Variants in MIDEAS observed in about 807,000 individuals in gnomAD.
The protein encoded by MIDEAS is mitotic deacetylase-associated SANT domain protein.
In MIDEAS, 26 loss-of-function variants were observed where a neutral mutation model predicts 102.7. The ratio of observed to expected loss-of-function variants is 0.25; its 90% CI spans 0.19 to 0.35. MIDEAS has a LOEUF of 0.35. Among genes scored for constraint, MIDEAS ranks in the 10% least tolerant of loss-of-function variants. The pLI, the probability that MIDEAS is intolerant of heterozygous loss-of-function variation, is 1.00. For synonymous variants in MIDEAS, 585 were observed against 591.0 expected (o/e 0.99, Z 0.15); for missense variants, 1,231 against 1,435.6 (o/e 0.86, Z 2.30).
rs1002784380 is a variant in MIDEAS, at chr14:73,725,263, C to A, written c.2574+9G>T. The A allele has an allele frequency of 3.1e-6, 5 of 1,612,976 alleles. No individual in the cohort carries two copies. The highest frequency in any genetic ancestry group is 3.4e-6 in the Non-Finnish European group (4 of 1,179,100). ...GCCCTCATTTGCCCTGAAACAGAGC[C>A]CAGCTCACCAGCTTCTGCACCAGGA... On this transcript the variant is annotated intron_variant, in intron 9 of 12. Transcript: ENST00000423556. This position sits in a 1 kb window ranked among gnomAD's most constrained non-coding sequence, Gnocchi z 4.1.
chr14:73,725,316 CT>C lies in MIDEAS; in HGVS notation c.2529del (p.Gly844AlafsTer15), dbSNP rs2053045856. On this transcript the variant is annotated frameshift_variant, in exon 9 of 13. Transcript: ENST00000423556. LOFTEE classifies it high-confidence loss of function. The surrounding 1 kb of genome is among the most constrained non-coding windows in gnomAD (Gnocchi z 4.1). The stretch of plus-strand genomic sequence containing the variant: ...AAATCCTTCTTGTAGATGGCAATGC[CT>C]TTGTTGAACAGCTTCCTCTCGGCCA... ...WKMAERKLFN[K>X]GIAIYKKDFF... 6.2e-7 allele frequency: 1 copy of C among 1,613,980 alleles called. No homozygotes were observed.
rs374578248 is a variant in MIDEAS, at chr14:73,768,228, A to C, written c.-248+18874T>G. ...GATATGAGCCTACTGAGTCCACCCC[A>C]GCACCCTTGAAGGAAGCCATTTTTC... is the stretch of plus-strand genomic sequence containing the variant. On this transcript the variant is annotated intron_variant, in intron 1 of 11. Coordinates refer to the MIDEAS transcript ENST00000394071. Among the ~76,000 whole-genome samples the C allele has an allele frequency of 2.6e-5, 4 of 152,146 alleles. No individual in the cohort carries two copies. In the East Asian group the frequency reaches 7.7e-4, roughly 29 times the overall value.
chr14:73,754,929 T>C (rs2053462008), intron 1 of MIDEAS: 1 of 152,152 alleles, frequency 6.6e-6, no homozygotes, highest in African/African-American at 2.4e-5. Context: ...TGGATTCCAA[T>C]TCCCCAGAGA....
chr14:73,734,160 T>C (rs1332166430), intron 3 of MIDEAS, among the ~76,000 whole-genome samples: 4 of 151,922 alleles, frequency 2.6e-5, no homozygotes, highest in African/African-American at 9.7e-5. Context: ...AATTTTTATA[T>C]TTTTAGTAGA....
At chr14:73,777,996 A>C (rs993899697) in intron 1 of MIDEAS, among the ~76,000 whole-genome samples, 1 of 151,962 alleles carries the variant, frequency 6.6e-6, no homozygotes, top group Non-Finnish European at 1.5e-5. Flanking sequence ...CCAAGTACAC[A>C]GTAAGGGCTC....
At chr14:73,772,626 A>T (rs1413976980) in intron 1 of MIDEAS, among the ~76,000 whole-genome samples, 1 of 152,092 alleles carries the variant, frequency 6.6e-6, no homozygotes, top group Non-Finnish European at 1.5e-5. Context: ...GTTGCTATAA[A>T]TATCTTTGGT....
At chr14:73,780,248 A>AT (rs2053742673) in intron 1 of MIDEAS, among the ~76,000 whole-genome samples, 1 of 152,064 alleles carries the variant, frequency 6.6e-6, no homozygotes, top group Admixed American at 6.6e-5. Context: ...CCATCAAATT[A>AT]TACTCTCCCA....
intron 11 of MIDEAS, 122 bp downstream of exon 11, chr14:73,721,175 A>T (rs946604146): frequency 2.2e-6 from 2 of 921,498 alleles, no homozygotes; most frequent in African/African-American, 3.2e-5. Context: ...AAAGTACTTC[A>T]CACATTTCCT....
At chr14:73,782,041 A>G (rs1053001394) in intron 1 of MIDEAS, among the ~76,000 whole-genome samples, 3 of 152,344 alleles carry the variant, frequency 2.0e-5, no homozygotes, top group Non-Finnish European at 2.9e-5. Context: ...TGGGTAGAGT[A>G]AAAAACAGGA....
At chr14:73,722,929 C>T in intron 9 of MIDEAS, 82 bp from the exon 10 acceptor site, 1 of 1,515,470 alleles carries the variant, frequency 6.6e-7, no homozygotes, top group Non-Finnish European at 8.9e-7. Flanking sequence ...CTCGTCCCTG[C>T]ATCTTTCCCT....
At chr14:73,735,556 A>C (rs1416046925) in intron 3 of MIDEAS, among the ~76,000 whole-genome samples, 1 of 152,188 alleles carries the variant, frequency 6.6e-6, no homozygotes, top group East Asian at 1.9e-4. Flanking sequence ...AATTCTCTAA[A>C]AGACTGGATA....
At chr14:73,722,599 T>C (rs2053009937) in intron 10 of MIDEAS, 99 bp downstream of exon 10, 1 of 1,451,226 alleles carries the variant, frequency 6.9e-7, no homozygotes, top group African/African-American at 1.4e-5. Context: ...CAACCTGCCC[T>C]CTGCAGGCTC....
intron 2 of MIDEAS, among the ~76,000 whole-genome samples, chr14:73,737,919 T>C (rs1177062224): frequency 6.6e-6 from 1 of 151,216 alleles, no homozygotes; most frequent in Non-Finnish European, 1.5e-5. Flanking sequence ...GTAGCTGGGA[T>C]TACAGGCGTG....
At chr14:73,763,155 G>A (rs2053567203), upstream of MIDEAS, among the ~76,000 whole-genome samples, 1 of 152,112 alleles carries the variant, frequency 6.6e-6, no homozygotes, top group Admixed American at 6.5e-5. Context: ...TAGGCAACGT[G>A]GCAAAACCCA....
chr14:73,730,891 G>A (rs1268539250), intron 3 of MIDEAS, among the ~76,000 whole-genome samples: 3 of 152,174 alleles, frequency 2.0e-5, no homozygotes, highest in African/African-American at 2.4e-5. Context: ...CCGGGAGGTG[G>A]AGGTTGCAGT....
At chr14:73,727,767 C>A (rs569975069) in intron 4 of MIDEAS, 1 of 489,140 alleles carries the variant, frequency 2.0e-6, no homozygotes, top group Non-Finnish European at 3.6e-6. Context: ...CTGTCTCCTA[C>A]GGTTAATGTG....
intron 1 of MIDEAS, among the ~76,000 whole-genome samples, chr14:73,752,382 G>A (rs1233863443): frequency 6.6e-6 from 1 of 152,174 alleles, no homozygotes; most frequent in Non-Finnish European, 1.5e-5. Flanking sequence ...AGGTAAAGCA[G>A]GGGGTGTAGC....
intron 1 of MIDEAS, among the ~76,000 whole-genome samples, chr14:73,780,096 C>A (rs12589511): frequency 3.1e-4 from 46 of 150,056 alleles, no homozygotes; most frequent in East Asian, 2.2e-3. Flanking sequence ...GGATGGTCTC[C>A]ATCTCCCGAC....
rs1422181451 is a variant in MIDEAS at position 73,726,811 on chromosome 14, CCCCCAGG to C, written c.2305+12_2305+18del. 6.2e-7 allele frequency: 1 copy of C among 1,604,848 alleles called. No homozygotes were observed. Among genetic ancestry groups the C allele is most frequent in the Non-Finnish European group, 8.5e-7 (1 of 1,173,372 alleles). On this transcript the variant is annotated intron_variant, in intron 6 of 12. Coordinates refer to ENST00000423556, the MANE Select transcript of MIDEAS (RefSeq NM_001367710.1). The stretch of plus-strand genomic sequence containing the variant: ...CCCATGTGCCTGCCCTCACTTGCTG[CCCCCAGG>C]CCCCTCCTCACCTTGCCTCTGCTTC...
Sources: allele counts gnomAD v4.1 joint callset (sites outside exome capture counted in the v4.1 genomes callset), GRCh38; gene constraint gnomAD v4.1.1; non-coding constraint Gnocchi (gnomAD v3.1); transcripts MANE v1.5; gene names NCBI Gene and HGNC (gene_info 2026-07-23, HGNC 2026-07-21).